The following SMC5 variants were observed in gnomAD, a reference collection of about 807,000 sequenced individuals.
SMC5 encodes the protein structural maintenance of chromosomes protein 5.
Under a neutral mutation model 148.3 loss-of-function variants are expected in SMC5, and 88 were observed. The ratio of observed to expected loss-of-function variants is 0.59; its 90% CI spans 0.50 to 0.71. The LOEUF (loss-of-function observed/expected upper bound fraction) is 0.71, where lower values mean the gene tolerates loss of function less well. SMC5 is among the 30% of genes least tolerant of loss of function. The pLI is 0.00. For synonymous variants in SMC5, 421 were observed against 432.8 expected (o/e 0.97, Z 0.34); for missense variants, 1,142 against 1,298.9 (o/e 0.88, Z 1.86).
chr9:70,324,348 A>G (rs953328633), intron 17 of SMC5, among the ~76,000 whole-genome samples: 2 of 152,218 alleles, frequency 1.3e-5, no homozygotes, highest in African/African-American at 2.4e-5. Flanking sequence ...TTTTGTTAAT[A>G]TCTGACTGTG....
chr9:70,285,808 C>T (rs2034882465), intron 7 of SMC5, among the ~76,000 whole-genome samples: 1 of 152,120 alleles, frequency 6.6e-6, no homozygotes, highest in Non-Finnish European at 1.5e-5. Flanking sequence ...TGATAGAACT[C>T]TGCATTTGAA....
At chr9:70,277,803 A>G (rs967509806) in intron 4 of SMC5, among the ~76,000 whole-genome samples, 22 of 152,164 alleles carry the variant, frequency 1.4e-4, no homozygotes, top group African/African-American at 4.8e-4. Context: ...TTTTGTTCGT[A>G]TACATTATAC....
At chr9:70,291,028 C>G (rs1407425630) in intron 8 of SMC5, among the ~76,000 whole-genome samples, 1 of 152,184 alleles carries the variant, frequency 6.6e-6, no homozygotes, top group Non-Finnish European at 1.5e-5. Flanking sequence ...GTAACATACT[C>G]TAGCAACTCT....
At chr9:70,343,183 A>G (rs1741805611) in intron 17 of SMC5, among the ~76,000 whole-genome samples, 1 of 150,086 alleles carries the variant, frequency 6.7e-6, no homozygotes, top group Admixed American at 6.6e-5. Context: ...TGAGGATAAT[A>G]TTACTGTGCA....
In SMC5 at chr9:70,304,796, G is replaced by GTT. The variant is rs60372644; in HGVS notation, c.1465-441_1465-440dup. Reference sequence around the variant, plus strand: ...ATAGTTACAAATAAGCCATAGCAAGGTTTTTTTTTTTCCCCATTAGTTTTA... The same window carrying GTT: ...ATAGTTACAAATAAGCCATAGCAAGGTTTTTTTTTTTTTCCCCATTAGTTTTA... On this transcript the variant is annotated intron_variant, in intron 10 of 24. Coordinates refer to ENST00000361138, the MANE Select transcript of SMC5 (RefSeq NM_015110.4). Among the ~76,000 whole-genome samples, 773 of 148,870 alleles carry GTT rather than the reference G, an allele frequency of 5.2e-3. 4 individuals are homozygous for GTT. Among genetic ancestry groups the GTT allele is most frequent in the African/African-American group, 8.1e-3 (331 of 40,740 alleles).
chr9:70,302,210 G>GA (rs1276445837), intron 10 of SMC5, among the ~76,000 whole-genome samples: 1 of 151,988 alleles, frequency 6.6e-6, no homozygotes, highest in Non-Finnish European at 1.5e-5. Context: ...CGTCTCTACT[G>GA]AAAAAATAGG....
At chr9:70,272,096 G>A (rs771386617) in intron 3 of SMC5, among the ~76,000 whole-genome samples, 12 of 152,164 alleles carry the variant, frequency 7.9e-5, no homozygotes, top group Non-Finnish European at 1.6e-4. Flanking sequence ...ATAGAACAAC[G>A]CTATGAGAGA....
intron 3 of SMC5, among the ~76,000 whole-genome samples, chr9:70,272,113 C>G (rs2034464663): frequency 1.3e-5 from 2 of 152,282 alleles, no homozygotes; most frequent in Admixed American, 1.3e-4. Flanking sequence ...GAGATGATAG[C>G]TTATGATTTG....
intron 7 of SMC5, among the ~76,000 whole-genome samples, chr9:70,285,936 T>C (rs973531453): frequency 2.4e-4 from 36 of 152,332 alleles, no homozygotes; most frequent in African/African-American, 7.5e-4. Context: ...TAGGGTTGTT[T>C]TTAGGATCAG....
intron 1 of SMC5, among the ~76,000 whole-genome samples, chr9:70,261,990 A>C (rs1276039204): frequency 6.6e-6 from 1 of 152,226 alleles, no homozygotes; most frequent in African/African-American, 2.4e-5. Context: ...GGCCGGATGC[A>C]AAGAGAAGAA....
chr9:70,262,161 A>T (rs1270775256), intron 1 of SMC5, among the ~76,000 whole-genome samples: 2 of 152,174 alleles, frequency 1.3e-5, no homozygotes, highest in Admixed American at 1.3e-4. Context: ...GAGAGTAGTG[A>T]GTGAACCAAG....
At chr9:70,310,164 A>T (rs761863168) in intron 11 of SMC5, among the ~76,000 whole-genome samples, 6 of 152,162 alleles carry the variant, frequency 3.9e-5, no homozygotes, top group Non-Finnish European at 8.8e-5. Context: ...TCTTTTTTAG[A>T]AGGCTTTTTG....
chr9:70,264,457 TA>T lies in SMC5; in HGVS notation c.327+14del, dbSNP rs753783176. The T allele has an allele frequency of 1.1e-5, 17 of 1,610,846 alleles. No homozygotes were observed. Among genetic ancestry groups the T allele is most frequent in the Middle Eastern group, 1.7e-4 (1 of 6,056 alleles). On this transcript the variant is annotated intron_variant, in intron 2 of 24. Coordinates refer to ENST00000361138, the MANE Select transcript of SMC5 (RefSeq NM_015110.4). Reference sequence around the variant, plus strand: ...GACGAGCAGATAAGGTGAGTTAATATAATTACTTTTTAAGAAATTTCAAACC... The same window carrying T: ...GACGAGCAGATAAGGTGAGTTAATATATTACTTTTTAAGAAATTTCAAACC...
chr9:70,348,293 T>C (rs1189180394), intron 22 of SMC5, among the ~76,000 whole-genome samples: 1 of 152,144 alleles, frequency 6.6e-6, no homozygotes, highest in East Asian at 1.9e-4. Context: ...TTCAGTTGTA[T>C]TGAATAAATA....
At chr9:70,300,351 T>A (rs1347815646) in intron 10 of SMC5, 151 bp downstream of exon 10, 2 of 624,264 alleles carry the variant, frequency 3.2e-6, no homozygotes, top group East Asian at 3.3e-5. Context: ...ATGAGCTTTT[T>A]AAAGGTCCCC....
intron 24 of SMC5, among the ~76,000 whole-genome samples, chr9:70,350,880 A>G (rs1359832491): frequency 6.6e-6 from 1 of 152,186 alleles, no homozygotes; most frequent in African/African-American, 2.4e-5. Context: ...AACATCTTCT[A>G]TTCACAGGTT....
intron 17 of SMC5, 112 bp from the exon 18 acceptor site, chr9:70,344,032 T>A (rs2036595648): frequency 5.0e-6 from 3 of 598,994 alleles, no homozygotes; most frequent in Admixed American, 8.8e-5. Flanking sequence ...TTCAGATAAT[T>A]TGATTATCAT....
Position 70,350,268 on chromosome 9 carries a change from T to G in SMC5, c.3044T>G (p.Phe1015Cys), listed in dbSNP as rs778490445. The change falls in exon 23 of 25, where the codon TTC becomes TGC. Residue 1015 changes from phenylalanine to cysteine, a missense_variant. By Grantham distance (205) the Phe-to-Cys change is radical (BLOSUM62 -2). Transcript: ENST00000361138. ...CTTCAGGAGCTAAATAGATGTCCAT[T>G]CAGAGTAGTTGATGAAATCAATCAG... is the stretch of plus-strand genomic sequence containing the variant. ...MALQELNRCP[F>C]RVVDEINQGM... 3 of 1,612,938 alleles carry G rather than the reference T, an allele frequency of 1.9e-6. No homozygotes were observed. The highest frequency in any genetic ancestry group is 3.3e-4 in the Middle Eastern group (2 of 6,074).
chr9:70,305,129 T>G (rs192427583), intron 10 of SMC5, 118 bp from the exon 11 acceptor site: 51 of 554,454 alleles, frequency 9.2e-5, no homozygotes, highest in African/African-American at 8.3e-4. Flanking sequence ...AAGTTCTTTT[T>G]TTTTATCTTG....
Sources: gnomAD v4.1 joint callset for allele counts (sites outside exome capture counted in the v4.1 genomes callset) on GRCh38, gnomAD v4.1.1 for gene constraint, MANE v1.5 for transcripts, NCBI Gene and HGNC (gene_info 2026-07-23, HGNC 2026-07-21) for gene names.